DCAF8L2: variants seen among roughly 807,000 people sequenced by gnomAD.
The protein encoded by DCAF8L2 is DDB1 and CUL4 associated factor 8 like 2.
For missense variants in DCAF8L2, 430 were observed against 490.7 expected (o/e 0.88, Z 1.17); for synonymous variants, 200 against 190.9 (o/e 1.05, Z -0.39).
At chrX:27,498,723 C>A in the DCAF8L2 span, among the ~76,000 whole-genome samples, 13 of 112,090 alleles carry the variant, frequency 1.2e-4, no homozygotes, top group Non-Finnish European at 2.1e-4. Context: ...TTCCCCTATC[C>A]TCTACTCCTG....
chrX:27,672,978 C>T (rs1379331034), intron 2 of DCAF8L2, among the ~76,000 whole-genome samples: 1 of 110,662 alleles, frequency 9.0e-6, no homozygotes, highest in Non-Finnish European at 1.9e-5. Flanking sequence ...CTTAAATGCA[C>T]AGTTGAGGCC....
chrX:27,489,390 C>G, the DCAF8L2 span, among the ~76,000 whole-genome samples: 12 of 112,647 alleles, frequency 1.1e-4, no homozygotes, highest in African/African-American at 3.5e-4. Context: ...AGCCACCACG[C>G]CCGACCTCAA....
At chrX:27,493,578 G>A in the DCAF8L2 span, among the ~76,000 whole-genome samples, 1 of 108,331 alleles carries the variant, frequency 9.2e-6, no homozygotes, top group African/African-American at 3.4e-5. Context: ...AGGTGTGGTG[G>A]TGCTCCCCTG....
chrX:27,721,506 G>A (rs1931899731), intron 4 of DCAF8L2, among the ~76,000 whole-genome samples: 2 of 110,819 alleles, frequency 1.8e-5, no homozygotes, highest in South Asian at 3.7e-4. Context: ...TTTTAGTTTA[G>A]GATTGAAACA....
At chrX:27,618,969 G>T (rs1927606672) in intron 1 of DCAF8L2, among the ~76,000 whole-genome samples, 1 of 106,033 alleles carries the variant, frequency 9.4e-6, no homozygotes, top group Non-Finnish European at 2.0e-5. Context: ...TCTGGATTAA[G>T]ATATAGCTTC....
intron 3 of DCAF8L2, among the ~76,000 whole-genome samples, chrX:27,709,726 A>T (rs1931459593): frequency 8.9e-6 from 1 of 111,912 alleles, no homozygotes; most frequent in Non-Finnish European, 1.9e-5. Flanking sequence ...GTTAAAGATC[A>T]TGGGGGCCAA....
chrX:27,577,200 A>G, the DCAF8L2 span, among the ~76,000 whole-genome samples: 1 of 112,086 alleles, frequency 8.9e-6, no homozygotes, highest in Non-Finnish European at 1.9e-5. Context: ...CCCTGTGGAA[A>G]AACTCCAAAG....
intron 3 of DCAF8L2, among the ~76,000 whole-genome samples, chrX:27,713,302 T>C: frequency 9.0e-6 from 1 of 111,341 alleles, no homozygotes; most frequent in Middle Eastern, 4.6e-3. Context: ...TTCAAGAAAA[T>C]TGGATTAGAA....
the DCAF8L2 span, among the ~76,000 whole-genome samples, chrX:27,561,556 C>T: frequency 1.8e-5 from 2 of 110,598 alleles, no homozygotes; most frequent in African/African-American, 3.3e-5. Context: ...ATTTTTGTTC[C>T]CCTTGAAAGA....
At chrX:27,534,909 T>A in the DCAF8L2 span, among the ~76,000 whole-genome samples, 2 of 112,066 alleles carry the variant, frequency 1.8e-5, no homozygotes, top group Non-Finnish European at 3.8e-5. Flanking sequence ...TATACTGAAA[T>A]GTTCAAAGCT....
At chrX:27,482,528 G>A in the DCAF8L2 span, among the ~76,000 whole-genome samples, 2 of 111,645 alleles carry the variant, frequency 1.8e-5, no homozygotes, top group Admixed American at 1.9e-4. Context: ...TGTAGGGAAT[G>A]TAAATGTGGA....
the DCAF8L2 span, among the ~76,000 whole-genome samples, chrX:27,544,544 A>G: frequency 8.9e-6 from 1 of 111,767 alleles, no homozygotes; most frequent in Non-Finnish European, 1.9e-5. Context: ...ACTCAATAAA[A>G]CCTATTTTTG....
chrX:27,674,722 C>A (rs147044635), intron 2 of DCAF8L2, among the ~76,000 whole-genome samples: 226 of 111,598 alleles, frequency 2.0e-3, no homozygotes, highest in African/African-American at 6.9e-3. Flanking sequence ...AATGATGCCA[C>A]CCATACTCCC....
At chrX:27,574,912 C>T in the DCAF8L2 span, among the ~76,000 whole-genome samples, 2 of 111,513 alleles carry the variant, frequency 1.8e-5, no homozygotes, top group African/African-American at 6.5e-5. Context: ...CTCTTTTAGG[C>T]GGCTTGTGTT....
the DCAF8L2 span, among the ~76,000 whole-genome samples, chrX:27,502,750 T>C: frequency 9.0e-6 from 1 of 111,168 alleles, no homozygotes; most frequent in African/African-American, 3.3e-5. Context: ...AAAACTCACA[T>C]TGCCAATGTA....
chrX:27,745,787 T>A (rs1267458030), intron 4 of DCAF8L2, among the ~76,000 whole-genome samples: 7 of 111,988 alleles, frequency 6.3e-5, no homozygotes, highest in African/African-American at 1.9e-4. Flanking sequence ...ACTATTAAAT[T>A]AACACAGTAA....
intron 3 of DCAF8L2, among the ~76,000 whole-genome samples, chrX:27,702,780 C>G (rs1822746192): frequency 9.0e-6 from 1 of 111,325 alleles, no homozygotes; most frequent in Non-Finnish European, 1.9e-5. Flanking sequence ...ATGTTCTCTC[C>G]CTAAGATAAG....
At chrX:27,693,964 G>A (rs746057895) in intron 3 of DCAF8L2, among the ~76,000 whole-genome samples, 75 of 111,980 alleles carry the variant, frequency 6.7e-4, no homozygotes, top group Non-Finnish European at 1.3e-3. Flanking sequence ...CAACCTAGAT[G>A]CCCATCAATG....
At chrX:27,687,236 A>T (rs1602735717) in intron 3 of DCAF8L2, among the ~76,000 whole-genome samples, 2 of 112,356 alleles carry the variant, frequency 1.8e-5, no homozygotes, top group Admixed American at 1.9e-4. Context: ...CTTTGCACAG[A>T]GGGAAAATGA....
Sources: gnomAD v4.1 joint callset for allele counts (sites outside exome capture counted in the v4.1 genomes callset) on GRCh38, gnomAD v4.1.1 for gene constraint, MANE v1.5 for transcripts, NCBI Gene and HGNC (gene_info 2026-07-23, HGNC 2026-07-21) for gene names.